The following AGBL4 variants were observed in gnomAD, a reference collection of about 807,000 sequenced individuals.
AGBL4 encodes AGBL carboxypeptidase 4.
A neutral mutation model predicts 66.4 loss-of-function variants in AGBL4; 58 were observed. That is an observed-to-expected ratio of 0.87 (90% CI 0.71 to 1.09). The LOEUF is 1.09. Ranked by LOEUF, AGBL4 falls within the 50% of genes least tolerant of loss-of-function variation. The pLI is 0.00. For missense variants in AGBL4, 579 were observed against 631.0 expected, an observed-to-expected ratio of 0.92 and a Z score of 0.88; for synonymous variants, 234 against 222.9, an observed-to-expected ratio of 1.05 and a Z score of -0.44.
At chr1:49,018,948 C>T (rs1259603968) in intron 5 of AGBL4, among the ~76,000 whole-genome samples, 1 of 152,120 alleles carries the variant, frequency 6.6e-6, no homozygotes, top group Non-Finnish European at 1.5e-5. Flanking sequence ...TAAACTCCTA[C>T]ATTGACATCC....
intron 3 of AGBL4, among the ~76,000 whole-genome samples, chr1:49,446,007 A>T (rs1354592749): frequency 1.3e-5 from 2 of 152,034 alleles, no homozygotes; most frequent in South Asian, 2.1e-4. Context: ...GCCTGCCACC[A>T]TGCCTGACTA....
At chr1:49,259,043 A>G (rs1242818447) in intron 3 of AGBL4, among the ~76,000 whole-genome samples, 1 of 152,190 alleles carries the variant, frequency 6.6e-6, no homozygotes, top group Non-Finnish European at 1.5e-5. Context: ...AGAATTTCAT[A>G]TCCAGCCAAA....
At chr1:49,636,083 ATACACGAAAATTAAT>A (rs1180409020) in intron 3 of AGBL4, among the ~76,000 whole-genome samples, 3 of 152,156 alleles carry the variant, frequency 2.0e-5, no homozygotes, top group African/African-American at 7.2e-5. Flanking sequence ...ACCTCTTATC[ATACACGAAAATTAAT>A]TACAGATAGA....
At chr1:48,988,055 C>T (rs1266023139) in intron 5 of AGBL4, among the ~76,000 whole-genome samples, 1 of 152,078 alleles carries the variant, frequency 6.6e-6, no homozygotes, top group Non-Finnish European at 1.5e-5. Flanking sequence ...TAAAATATCA[C>T]CTTCTCTATG....
At chr1:49,461,292 A>G (rs1234944820) in intron 3 of AGBL4, among the ~76,000 whole-genome samples, 1 of 151,386 alleles carries the variant, frequency 6.6e-6, no homozygotes, top group African/African-American at 2.4e-5. Context: ...GGCTTTGTTC[A>G]TTTAAAATTC....
chr1:49,308,561 T>C lies in AGBL4; in HGVS notation c.283-62697A>G, dbSNP rs1644889933. Among the ~76,000 whole-genome samples, 3 of 152,072 alleles carry C rather than the reference T, an allele frequency of 2.0e-5. No individual in the cohort carries two copies. In the South Asian group the frequency reaches 6.2e-4, roughly 32 times the overall value. ...TATACTCTAAGTCACATGGCAAATA[T>C]AGAATGAGGACCATATCCCATGTCT... On this transcript the variant is annotated intron_variant, in intron 3 of 13. Transcript: ENST00000371839.
chr1:49,990,190 T>G (rs552699372), intron 1 of AGBL4, among the ~76,000 whole-genome samples: 1 of 152,248 alleles, frequency 6.6e-6, no homozygotes, highest in East Asian at 1.9e-4. Context: ...ACATTAATTG[T>G]AATACCAATG....
chr1:49,215,962 T>C (rs889678147), intron 4 of AGBL4, among the ~76,000 whole-genome samples: 2 of 152,134 alleles, frequency 1.3e-5, no homozygotes, highest in Non-Finnish European at 2.9e-5. Context: ...CAAGGCCACA[T>C]GGCTAGTAGA....
intron 4 of AGBL4, among the ~76,000 whole-genome samples, chr1:49,238,349 C>T (rs1650950639): frequency 6.6e-6 from 1 of 152,138 alleles, no homozygotes; most frequent in Non-Finnish European, 1.5e-5. Context: ...GTCCCTGAGG[C>T]TCTGTTCATT....
intron 1 of AGBL4, among the ~76,000 whole-genome samples, chr1:49,955,407 C>T (rs930134685): frequency 1.3e-5 from 2 of 151,942 alleles, no homozygotes; most frequent in Non-Finnish European, 2.9e-5. Context: ...CAATACTCAG[C>T]ACTTATTTAT....
intron 3 of AGBL4, among the ~76,000 whole-genome samples, chr1:49,375,271 C>T (rs1302572372): frequency 1.3e-5 from 2 of 152,072 alleles, no homozygotes; most frequent in Admixed American, 6.6e-5. Flanking sequence ...TACCCTGATT[C>T]CTATACATGG....
intron 5 of AGBL4, among the ~76,000 whole-genome samples, chr1:48,902,453 T>C (rs1652178516): frequency 6.6e-6 from 1 of 152,000 alleles, no homozygotes; most frequent in Non-Finnish European, 1.5e-5. Flanking sequence ...GCAGTGGAGA[T>C]GCTGAGAAGT....
chr1:49,210,588 GT>G (rs1051134502), intron 4 of AGBL4, among the ~76,000 whole-genome samples: 4 of 152,040 alleles, frequency 2.6e-5, no homozygotes, highest in African/African-American at 7.2e-5. Flanking sequence ...AGATAAAGAT[GT>G]TTTAGAAAAT....
chr1:49,256,268 A>C (rs1652491927), intron 3 of AGBL4, among the ~76,000 whole-genome samples: 1 of 152,206 alleles, frequency 6.6e-6, no homozygotes, highest in African/African-American at 2.4e-5. Context: ...CATATATCAA[A>C]ACATCACATA....
intron 4 of AGBL4, among the ~76,000 whole-genome samples, chr1:49,224,723 T>A (rs1318254243): frequency 6.6e-6 from 1 of 152,008 alleles, no homozygotes; most frequent in Non-Finnish European, 1.5e-5. Flanking sequence ...GGGCCAGCTC[T>A]GCAGCAGGCC....
chr1:49,959,615 A>T (rs1656954942), intron 1 of AGBL4, among the ~76,000 whole-genome samples: 1 of 152,104 alleles, frequency 6.6e-6, no homozygotes, highest in Admixed American at 6.6e-5. Flanking sequence ...ACATGTGGAA[A>T]GCAGTGTGGC....
At chr1:49,282,235 T>TAGGAAAGA (rs1644289274) in intron 3 of AGBL4, among the ~76,000 whole-genome samples, 1 of 150,374 alleles carries the variant, frequency 6.7e-6, no homozygotes. Context: ...ACTTTTTTTG[T>TAGGAAAGA]ATGTCTTACA....
At chr1:48,700,419 T>C (rs1646783446) in intron 6 of AGBL4, among the ~76,000 whole-genome samples, 1 of 152,242 alleles carries the variant, frequency 6.6e-6, no homozygotes, top group Non-Finnish European at 1.5e-5. Context: ...GGCTTTGTTC[T>C]GACAGCAAAC....
intron 3 of AGBL4, among the ~76,000 whole-genome samples, chr1:49,639,450 A>G (rs1250610773): frequency 6.6e-6 from 1 of 152,224 alleles, no homozygotes; most frequent in African/African-American, 2.4e-5. Flanking sequence ...AACCACTATC[A>G]ACAGTCTGGA....
Sources: allele counts gnomAD v4.1 joint callset (sites outside exome capture counted in the v4.1 genomes callset), GRCh38; gene constraint gnomAD v4.1.1; transcripts MANE v1.5; gene names NCBI Gene and HGNC (gene_info 2026-07-23, HGNC 2026-07-21).